GABRB1: variants seen among roughly 807,000 people sequenced by gnomAD.
The protein encoded by GABRB1 is gamma-aminobutyric acid receptor subunit beta-1.
A neutral mutation model predicts 51.6 loss-of-function variants in GABRB1; 17 were observed. The observed-to-expected ratio is 0.33, with a 90% CI of 0.23 to 0.49. The LOEUF (loss-of-function observed/expected upper bound fraction) is 0.49, where lower values mean the gene tolerates loss of function less well. Ranked by LOEUF, GABRB1 falls within the 20% of genes least tolerant of loss-of-function variation. The probability of loss-of-function intolerance (pLI) is 0.99; values close to 1 mark genes in which losing one functional copy is unlikely to be tolerated. For synonymous variants in GABRB1, 247 were observed against 218.9 expected, an observed-to-expected ratio of 1.13 and a Z score of -1.14; for missense variants, 410 against 600.6, an observed-to-expected ratio of 0.68 and a Z score of 3.32.
At chr4:47,215,832 T>C (rs1387846286) in intron 4 of GABRB1, among the ~76,000 whole-genome samples, 1 of 152,088 alleles carries the variant, frequency 6.6e-6, no homozygotes, top group Non-Finnish European at 1.5e-5. Flanking sequence ...GGTCTTGGAA[T>C]AGGAATGAAT....
At chr4:47,128,367 G>C (rs1716259028) in intron 3 of GABRB1, among the ~76,000 whole-genome samples, 1 of 151,424 alleles carries the variant, frequency 6.6e-6, no homozygotes, top group Non-Finnish European at 1.5e-5. Flanking sequence ...GTATGAGAGA[G>C]GAAATAATAA....
intron 5 of GABRB1, among the ~76,000 whole-genome samples, chr4:47,398,685 CG>C (rs1321601995): frequency 1.8e-4 from 28 of 152,212 alleles, no homozygotes; most frequent in African/African-American, 6.8e-4. Flanking sequence ...CCCAGGTTCA[CG>C]CCATTCTCCT....
intron 1 of GABRB1, among the ~76,000 whole-genome samples, chr4:47,007,525 G>A (rs1038353115): frequency 6.6e-6 from 1 of 152,178 alleles, no homozygotes; most frequent in African/African-American, 2.4e-5. Flanking sequence ...CACTGACATA[G>A]AGAGAATGCT....
intron 4 of GABRB1, among the ~76,000 whole-genome samples, chr4:47,264,876 A>C (rs1157332549): frequency 6.6e-6 from 1 of 152,128 alleles, no homozygotes; most frequent in Admixed American, 6.6e-5. Context: ...ATGAGTTTGC[A>C]TTTTCTAGAA....
chr4:47,259,766 T>C (rs1722353489), intron 4 of GABRB1, among the ~76,000 whole-genome samples: 3 of 152,198 alleles, frequency 2.0e-5, no homozygotes, highest in Admixed American at 2.0e-4. Flanking sequence ...GAGTACTTTC[T>C]TTGGTGGTGA....
rs982896271 is a variant in GABRB1, at chr4:46,998,781, T to C, written c.-20+4855T>C. ...GTGGAAAGAATACAATTTAAGGGGA[T>C]ACAATCCAAGTAATACATTTAATAA... On this transcript the variant is annotated intron_variant, in intron 1 of 3. Transcript: ENST00000513567. Among the ~76,000 whole-genome samples the C allele has an allele frequency of 5.1e-4, 75 of 146,580 alleles. 1 individual carries two copies. The highest frequency in any genetic ancestry group is 1.7e-3 in the African/African-American group (69 of 39,906).
At chr4:46,998,049 C>G (rs1326347708) in intron 1 of GABRB1, among the ~76,000 whole-genome samples, 1 of 152,020 alleles carries the variant, frequency 6.6e-6, no homozygotes, top group African/African-American at 2.4e-5. Flanking sequence ...CAACAGTGTA[C>G]AAGGGTTTCC....
chr4:47,147,697 G>C (rs1393296817), intron 3 of GABRB1, among the ~76,000 whole-genome samples: 2 of 152,026 alleles, frequency 1.3e-5, no homozygotes, highest in Non-Finnish European at 2.9e-5. Context: ...TCCAATCTAA[G>C]GCCTGTTCAA....
chr4:47,211,736 G>A (rs1720367504), intron 4 of GABRB1, among the ~76,000 whole-genome samples: 1 of 152,176 alleles, frequency 6.6e-6, no homozygotes, highest in Non-Finnish European at 1.5e-5. Flanking sequence ...GGTATCCACA[G>A]GATGGAGTTC....
Position 47,337,666 on chromosome 4 carries a change from T to A in GABRB1, c.544+17457T>A, listed in dbSNP as rs546288203. ...CTCTACTAAAAATACAAAAATCAGCTAGGTTTGGTGGCACACACCTGTAAT... is the reference window on the plus strand; with the variant it reads ...CTCTACTAAAAATACAAAAATCAGCAAGGTTTGGTGGCACACACCTGTAAT... On this transcript the variant is annotated intron_variant, in intron 5 of 8. Transcript: ENST00000295454. Among the ~76,000 whole-genome samples the A allele has an allele frequency of 5.3e-5, 8 of 151,748 alleles. No individual in the cohort carries two copies. In the East Asian group the frequency reaches 1.6e-3, roughly 29 times the overall value.
intron 5 of GABRB1, among the ~76,000 whole-genome samples, chr4:47,379,487 A>T (rs548757365): frequency 6.6e-6 from 1 of 152,316 alleles, no homozygotes; most frequent in South Asian, 2.1e-4. Flanking sequence ...ACACATTTAA[A>T]GTAGGCTAAA....
intron 4 of GABRB1, among the ~76,000 whole-genome samples, chr4:47,287,644 C>T (rs998560016): frequency 6.6e-6 from 1 of 152,172 alleles, no homozygotes. Context: ...TAATTCCCTT[C>T]CTTTGAGTTT....
chr4:47,261,855 A>G (rs911788579), intron 4 of GABRB1, among the ~76,000 whole-genome samples: 1 of 152,234 alleles, frequency 6.6e-6, no homozygotes, highest in Admixed American at 6.5e-5. Context: ...ATATAGATCA[A>G]TGGAAGAGAA....
chr4:47,315,480 C>G (rs1724850222), intron 4 of GABRB1, among the ~76,000 whole-genome samples: 1 of 151,870 alleles, frequency 6.6e-6, no homozygotes, highest in South Asian at 2.1e-4. Context: ...GGTGATTTCT[C>G]AAAGAACTCA....
At chr4:47,008,798 T>A (rs894903257) in intron 1 of GABRB1, among the ~76,000 whole-genome samples, 3 of 146,962 alleles carry the variant, frequency 2.0e-5, no homozygotes, top group South Asian at 4.4e-4. Flanking sequence ...ACTGGACTTT[T>A]AAAAATACCA....
chr4:47,060,838 T>G (rs1726819235), intron 3 of GABRB1, among the ~76,000 whole-genome samples: 1 of 152,216 alleles, frequency 6.6e-6, no homozygotes, highest in South Asian at 2.1e-4. Flanking sequence ...CCTTCACCAT[T>G]TCTTCATTTC....
At chr4:47,194,403 T>C (rs1184724532) in intron 4 of GABRB1, among the ~76,000 whole-genome samples, 4 of 152,178 alleles carry the variant, frequency 2.6e-5, no homozygotes. Flanking sequence ...GTTTTGCCTT[T>C]CCCAACTGCC....
chr4:47,001,389 G>C (rs756174768), intron 1 of GABRB1, among the ~76,000 whole-genome samples: 8 of 152,198 alleles, frequency 5.3e-5, no homozygotes, highest in Non-Finnish European at 8.8e-5. Flanking sequence ...TGATTCTCCC[G>C]CCTTGGCCTC....
intron 3 of GABRB1, among the ~76,000 whole-genome samples, chr4:47,081,780 A>G (rs1278367312): frequency 6.6e-6 from 1 of 152,072 alleles, no homozygotes; most frequent in Non-Finnish European, 1.5e-5. Flanking sequence ...TCCCATTTTC[A>G]TTAGTAGGGC....
Sources: gnomAD v4.1 joint callset for allele counts (sites outside exome capture counted in the v4.1 genomes callset) on GRCh38, gnomAD v4.1.1 for gene constraint, MANE v1.5 for transcripts, NCBI Gene and HGNC (gene_info 2026-07-23, HGNC 2026-07-21) for gene names.